Variants in SLC10A7 observed in about 807,000 individuals in gnomAD.
SLC10A7 encodes the protein solute carrier family 10 member 7.
In SLC10A7, 29 loss-of-function variants were observed where a neutral mutation model predicts 43.2. That is an observed-to-expected ratio of 0.67 (90% confidence interval 0.50 to 0.92). The LOEUF is 0.92. SLC10A7 is among the 40% of genes least tolerant of loss of function. The pLI, the probability that SLC10A7 is intolerant of heterozygous loss-of-function variation, is 0.00. For synonymous variants in SLC10A7, 152 were observed against 144.8 expected, an observed-to-expected ratio of 1.05 and a Z score of -0.35; for missense variants, 295 against 403.2, an observed-to-expected ratio of 0.73 and a Z score of 2.30.
At chr4:146,442,572 TA>T in intron 5 of SLC10A7, 2 of 1,391,428 alleles carry the variant, frequency 1.4e-6, no homozygotes, top group Non-Finnish European at 1.9e-6. Flanking sequence ...AATGGAATTT[TA>T]AAACCCAAAC....
chr4:146,320,272 T>C (rs1732611835), intron 6 of SLC10A7, among the ~76,000 whole-genome samples: 1 of 152,074 alleles, frequency 6.6e-6, no homozygotes, highest in African/African-American at 2.4e-5. Flanking sequence ...GCAGGGTTAG[T>C]ACTTTGCCAG....
chr4:146,309,387 T>A (rs1731804694), intron 6 of SLC10A7, among the ~76,000 whole-genome samples: 1 of 152,090 alleles, frequency 6.6e-6, no homozygotes, highest in Non-Finnish European at 1.5e-5. Context: ...TGTTAGCACA[T>A]CAGAAACATC....
chr4:146,444,292 C>T (rs769750006), intron 4 of SLC10A7, among the ~76,000 whole-genome samples: 1 of 152,170 alleles, frequency 6.6e-6, no homozygotes, highest in African/African-American at 2.4e-5. Flanking sequence ...AACAGAATTA[C>T]TTCCTTTTAG....
intron 9 of SLC10A7, among the ~76,000 whole-genome samples, chr4:146,285,579 CT>C (rs1196126250): frequency 6.6e-6 from 1 of 152,082 alleles, no homozygotes; most frequent in African/African-American, 2.4e-5. Flanking sequence ...TGAACACAAG[CT>C]AGGGGATATT....
intron 10 of SLC10A7, among the ~76,000 whole-genome samples, chr4:146,269,492 C>G (rs1728767644): frequency 3.9e-5 from 6 of 152,176 alleles, no homozygotes; most frequent in Admixed American, 2.6e-4. Flanking sequence ...GTTGTTTAGT[C>G]TTCTAAAGAG....
intron 4 of SLC10A7, among the ~76,000 whole-genome samples, chr4:146,495,523 GGAC>G (rs1227974273): frequency 5.3e-5 from 8 of 152,080 alleles, no homozygotes; most frequent in African/African-American, 1.7e-4. Context: ...GTCTCCATTT[GGAC>G]TGTGATGATC....
chr4:146,304,639 T>C (rs1423415288), intron 7 of SLC10A7, among the ~76,000 whole-genome samples: 1 of 152,226 alleles, frequency 6.6e-6, no homozygotes, highest in Non-Finnish European at 1.5e-5. Flanking sequence ...TTCTGCTCTT[T>C]CACATTTGCT....
intron 4 of SLC10A7, among the ~76,000 whole-genome samples, chr4:146,481,371 G>A (rs927181229): frequency 6.6e-6 from 1 of 152,050 alleles, no homozygotes; most frequent in Non-Finnish European, 1.5e-5. Flanking sequence ...CGCCCCACAA[G>A]CCAAAGTGGC....
At chr4:146,483,846 A>AT (rs1734696741) in intron 4 of SLC10A7, among the ~76,000 whole-genome samples, 1 of 152,190 alleles carries the variant, frequency 6.6e-6, no homozygotes, top group Admixed American at 6.5e-5. Flanking sequence ...ATCTGATAAA[A>AT]TAGACTTCAA....
chr4:146,473,189 A>C (rs1733727091), intron 4 of SLC10A7, among the ~76,000 whole-genome samples: 1 of 152,214 alleles, frequency 6.6e-6, no homozygotes, highest in African/African-American at 2.4e-5. Context: ...TCCAATAAGA[A>C]AAGTTGTGGA....
intron 5 of SLC10A7, among the ~76,000 whole-genome samples, chr4:146,401,669 T>C (rs1560873737): frequency 6.6e-6 from 1 of 152,180 alleles, no homozygotes; most frequent in Non-Finnish European, 1.5e-5. Context: ...ATAAGAGTCT[T>C]GCCCAAATTC....
intron 5 of SLC10A7, among the ~76,000 whole-genome samples, chr4:146,435,098 T>TA (rs767487826): frequency 2.0e-5 from 3 of 152,216 alleles, no homozygotes; most frequent in Non-Finnish European, 4.4e-5. Context: ...TTTTAAAAGT[T>TA]AAAATCAAAC....
intron 5 of SLC10A7, among the ~76,000 whole-genome samples, chr4:146,409,862 T>C (rs1422940920): frequency 6.6e-6 from 1 of 152,180 alleles, no homozygotes; most frequent in Non-Finnish European, 1.5e-5. Context: ...TAGCAAATTA[T>C]TTGGCTTAAT....
At chr4:146,366,266 T>C (rs1442190685) in intron 5 of SLC10A7, among the ~76,000 whole-genome samples, 1 of 152,200 alleles carries the variant, frequency 6.6e-6, no homozygotes, top group Non-Finnish European at 1.5e-5. Flanking sequence ...TTTTAAAAGG[T>C]ATATGTATTA....
At position 146,430,656 on chromosome 4, in the gene SLC10A7, C is replaced by T. The variant is rs150659721; in HGVS notation, c.435+12127G>A. On this transcript the variant is annotated intron_variant, in intron 5 of 11. Coordinates refer to ENST00000335472, the MANE Select transcript of SLC10A7 (RefSeq NM_001029998.6). ...TTATTAAAAATATCACCAAAAAAAG[C>T]TACTCAGGAAAAGTAAACAAGTGTA... Among the ~76,000 whole-genome samples the T allele has an allele frequency of 5.3e-5, 8 of 152,124 alleles. No homozygotes were observed. The East Asian group carries it at 1.5e-3, about 29-fold the overall frequency.
chr4:146,463,803 A>G (rs1732753865), intron 4 of SLC10A7, among the ~76,000 whole-genome samples: 1 of 151,488 alleles, frequency 6.6e-6, no homozygotes, highest in African/African-American at 2.4e-5. Context: ...GATTTTCATC[A>G]TACCATTATT....
At chr4:146,333,659 G>A (rs1022125981) in intron 5 of SLC10A7, among the ~76,000 whole-genome samples, 1 of 152,166 alleles carries the variant, frequency 6.6e-6, no homozygotes, top group Non-Finnish European at 1.5e-5. Context: ...GCAGCTGTGA[G>A]AGATGAAGTT....
intron 4 of SLC10A7, chr4:146,477,793 G>A (rs1468214410): frequency 6.6e-6 from 1 of 152,104 alleles, no homozygotes; most frequent in Non-Finnish European, 1.5e-5. Flanking sequence ...AAAAGATTAG[G>A]AATTTAAGAA....
chr4:146,305,032 C>G (rs931770875), intron 7 of SLC10A7, among the ~76,000 whole-genome samples: 24 of 151,566 alleles, frequency 1.6e-4, no homozygotes, highest in African/African-American at 5.8e-4. Flanking sequence ...CCTCGGGGAT[C>G]TAGAACTAGA....
Sources: gnomAD v4.1 joint callset for allele counts (sites outside exome capture counted in the v4.1 genomes callset) on GRCh38, gnomAD v4.1.1 for gene constraint, MANE v1.5 for transcripts, NCBI Gene and HGNC (gene_info 2026-07-23, HGNC 2026-07-21) for gene names.